ANKRD30B: variants seen among roughly 807,000 people sequenced by gnomAD.
ANKRD30B encodes ankyrin repeat domain 30B.
ANKRD30B carries 144 observed loss-of-function variants against 202.2 expected under a neutral mutation model. That is an observed-to-expected ratio of 0.71 (90% CI 0.62 to 0.82). The LOEUF is 0.82. ANKRD30B is among the 40% of genes least tolerant of loss of function. ANKRD30B has a pLI of 0.00. For synonymous variants in ANKRD30B, 508 were observed against 561.3 expected (o/e 0.91, Z 1.34); for missense variants, 1,487 against 1,669.1 (o/e 0.89, Z 1.90).
At chr18:14,913,148 G>T in the ANKRD30B span, among the ~76,000 whole-genome samples, 172 of 152,328 alleles carry the variant, frequency 1.1e-3, no homozygotes, top group Middle Eastern at 0.014. Flanking sequence ...GGAATCTGTG[G>T]CCCTTTAATG....
At chr18:14,881,773 C>A in the ANKRD30B span, among the ~76,000 whole-genome samples, 1 of 151,612 alleles carries the variant, frequency 6.6e-6, no homozygotes, top group Non-Finnish European at 1.5e-5. Flanking sequence ...CCATTTCAAT[C>A]TTGCTGCTTG....
At chr18:14,815,318 G>GT (rs1161277952) in intron 30 of ANKRD30B, among the ~76,000 whole-genome samples, 1 of 144,548 alleles carries the variant, frequency 6.9e-6, no homozygotes, top group African/African-American at 2.6e-5. Flanking sequence ...TATACACTCC[G>GT]TATAGACCGT....
chr18:14,840,391 T>G (rs1971366461), intron 36 of ANKRD30B, among the ~76,000 whole-genome samples, 197 bp from the exon 37 acceptor site: 1 of 152,016 alleles, frequency 6.6e-6, no homozygotes, highest in Admixed American at 6.6e-5. Flanking sequence ...TACAAAAATT[T>G]AGCCAGGTGT....
At chr18:14,880,631 T>A in the ANKRD30B span, among the ~76,000 whole-genome samples, 1 of 149,456 alleles carries the variant, frequency 6.7e-6, no homozygotes, top group African/African-American at 2.5e-5. Context: ...AATGGTGTGA[T>A]CTTGGCTCAC....
At chr18:14,775,545 T>C (rs1382107335) in intron 9 of ANKRD30B, among the ~76,000 whole-genome samples, 3 of 152,246 alleles carry the variant, frequency 2.0e-5, no homozygotes, top group Admixed American at 6.5e-5. Flanking sequence ...GGAACATTTC[T>C]GGAGTTGGAT....
At chr18:14,881,673 A>C in the ANKRD30B span, among the ~76,000 whole-genome samples, 2 of 151,656 alleles carry the variant, frequency 1.3e-5, no homozygotes, top group Admixed American at 6.6e-5. Flanking sequence ...TTCTTCTTTG[A>C]ATGAAAGAAG....
the ANKRD30B span, among the ~76,000 whole-genome samples, chr18:14,869,382 T>G: frequency 1.3e-5 from 2 of 151,548 alleles, no homozygotes; most frequent in Non-Finnish European, 2.9e-5. Context: ...GGTGTTCTTA[T>G]GTTGTATGAC....
At chr18:14,880,000 T>G in the ANKRD30B span, among the ~76,000 whole-genome samples, 1 of 151,974 alleles carries the variant, frequency 6.6e-6, no homozygotes, top group East Asian at 1.9e-4. Flanking sequence ...TCTTGTAGAA[T>G]TTTTATGGTT....
chr18:14,831,409 A>G lies in ANKRD30B; in HGVS notation c.2801A>G (p.Asn934Ser). 2 of 1,532,592 alleles carry G rather than the reference A, an allele frequency of 1.3e-6. No homozygotes were observed. The highest frequency in any genetic ancestry group is 1.8e-6 in the Non-Finnish European group (2 of 1,137,582). The allele number at this position is 1,532,592 out of a possible 1,614,324, so 94.9% of individuals were successfully genotyped here. A position where few individuals can be genotyped will look rare whatever the true frequency, so the allele number is the denominator to read the frequency against. ...FSLFGKPTTENSQSTKVEEDF... is the reference protein window; with the variant it reads ...FSLFGKPTTESSQSTKVEEDF... ...CTTTTTGGCAAACCGACTACTGAAA[A>G]TTCACAGTCTACAAAAGTTGAGGAA... is the stretch of plus-strand genomic sequence containing the variant. Residue 934 changes from asparagine (N) to serine (S), a missense_variant, in exon 34 of 44, where the codon AAT becomes AGT. Asn to Ser is a conservative substitution (Grantham distance 46). Transcript: ENST00000690538.
At chr18:14,888,715 C>A in the ANKRD30B span, 19 of 815,224 alleles carry the variant, frequency 2.3e-5, no homozygotes, top group Non-Finnish European at 3.6e-5. Flanking sequence ...TAAGTTATTG[C>A]CATAGGAAGA....
intron 39 of ANKRD30B, among the ~76,000 whole-genome samples, chr18:14,847,862 C>T (rs1038929596): frequency 6.6e-6 from 1 of 151,946 alleles, no homozygotes; most frequent in Non-Finnish European, 1.5e-5. Context: ...TAAGTTCCGC[C>T]CTGACCTGGC....
chr18:14,763,277 A>G (rs1043680018), intron 6 of ANKRD30B, among the ~76,000 whole-genome samples: 21 of 152,288 alleles, frequency 1.4e-4, no homozygotes, highest in Admixed American at 1.2e-3. Context: ...GTCCAGGCAC[A>G]GTGGTTCACT....
At chr18:14,784,026 T>C (rs1967920714) in intron 12 of ANKRD30B, among the ~76,000 whole-genome samples, 1 of 152,172 alleles carries the variant, frequency 6.6e-6, no homozygotes, top group Non-Finnish European at 1.5e-5. Flanking sequence ...TGTGTTTCAT[T>C]AAGTATATGG....
At chr18:14,795,578 C>T (rs1173231777) in intron 16 of ANKRD30B, among the ~76,000 whole-genome samples, 1 of 151,938 alleles carries the variant, frequency 6.6e-6, no homozygotes, top group Non-Finnish European at 1.5e-5. Context: ...ACCAGAGAAC[C>T]CCATAAATGT....
intron 16 of ANKRD30B, among the ~76,000 whole-genome samples, 183 bp downstream of exon 16, chr18:14,791,674 G>T (rs552041051): frequency 6.6e-6 from 1 of 152,214 alleles, no homozygotes; most frequent in Non-Finnish European, 1.5e-5. Context: ...TATTGAGAGT[G>T]CTGAAAAGGA....
chr18:14,810,945 C>T (rs1467360093), intron 28 of ANKRD30B, among the ~76,000 whole-genome samples: 3 of 151,020 alleles, frequency 2.0e-5, no homozygotes, highest in East Asian at 1.9e-4. Context: ...GAAACCCCAT[C>T]GCTACTAAAA....
intron 14 of ANKRD30B, 86 bp from the exon 15 acceptor site, chr18:14,786,953 G>C (rs914371297): frequency 7.5e-7 from 1 of 1,326,324 alleles, no homozygotes; most frequent in East Asian, 2.6e-5. Context: ...CTACAGATTC[G>C]TGAATGAAAG....
the ANKRD30B span, among the ~76,000 whole-genome samples, chr18:14,891,287 A>G: frequency 4.0e-5 from 6 of 149,852 alleles, no homozygotes; most frequent in East Asian, 3.9e-4. Context: ...TACCTGGATA[A>G]TAAAATTTCT....
the ANKRD30B span, among the ~76,000 whole-genome samples, chr18:14,861,838 T>G: frequency 0.015 from 2,238 of 152,364 alleles, 60 homozygotes; most frequent in African/African-American, 0.052. Context: ...ATGTACATTT[T>G]TCTCATTTGC....
Sources: gnomAD v4.1 joint callset for allele counts (sites outside exome capture counted in the v4.1 genomes callset) on GRCh38, gnomAD v4.1.1 for gene constraint, MANE v1.5 for transcripts, NCBI Gene and HGNC (gene_info 2026-07-23, HGNC 2026-07-21) for gene names.